The following STK31 variants were observed in gnomAD, a reference collection of about 807,000 sequenced individuals.
STK31 encodes serine/threonine-protein kinase 31.
A neutral mutation model predicts 129.7 loss-of-function variants in STK31; 89 were observed. The ratio of observed to expected loss-of-function variants is 0.69; its 90% confidence interval spans 0.58 to 0.82. STK31 has a LOEUF of 0.82. Among genes scored for constraint, STK31 ranks in the 40% least tolerant of loss-of-function variants. STK31 has a pLI of 0.00. For synonymous variants in STK31, 448 were observed against 395.3 expected, an observed-to-expected ratio of 1.13 and a Z score of -1.58; for missense variants, 1,187 against 1,176.4, an observed-to-expected ratio of 1.01 and a Z score of -0.13.
intron 21 of STK31, 33 bp downstream of exon 21, chr7:23,788,162 G>C: frequency 6.4e-7 from 1 of 1,563,672 alleles, no homozygotes; most frequent in Non-Finnish European, 8.6e-7. Flanking sequence ...ATAGGTTCTA[G>C]ACTTTATTTA....
intron 21 of STK31, among the ~76,000 whole-genome samples, chr7:23,790,367 T>A (rs766658328): frequency 6.6e-6 from 1 of 152,200 alleles, no homozygotes; most frequent in Non-Finnish European, 1.5e-5. Context: ...AAGATCTGCC[T>A]GAATATAGGA....
intron 22 of STK31, among the ~76,000 whole-genome samples, chr7:23,809,446 C>T (rs1010193603): frequency 1.3e-5 from 2 of 152,076 alleles, no homozygotes; most frequent in Non-Finnish European, 2.9e-5. Flanking sequence ...ATGTTATGTG[C>T]TTTTCATCAA....
At chr7:23,710,481 G>C in intron 1 of STK31, 146 bp downstream of exon 1, 1 of 1,515,716 alleles carries the variant, frequency 6.6e-7, no homozygotes, top group Non-Finnish European at 8.9e-7. Flanking sequence ...CCCCAGAGGG[G>C]TGCCAGATGC....
chr7:23,750,422 A>T (rs1252972736), intron 8 of STK31, among the ~76,000 whole-genome samples: 1 of 152,126 alleles, frequency 6.6e-6, no homozygotes, highest in Non-Finnish European at 1.5e-5. Context: ...AAAGTTGTTG[A>T]TTTCCACTTT....
intron 22 of STK31, among the ~76,000 whole-genome samples, chr7:23,796,089 A>G (rs1791931733): frequency 6.6e-6 from 1 of 152,190 alleles, no homozygotes; most frequent in African/African-American, 2.4e-5. Context: ...GGGTGGAATG[A>G]TAATGGTTTA....
rs187861025 is a variant in STK31, at chr7:23,775,014, C to A, written c.1965+2736C>A. Among the ~76,000 whole-genome samples the A allele has an allele frequency of 8.1e-4, 124 of 152,332 alleles. 1 individual carries two copies. The highest frequency in any genetic ancestry group is 1.6e-3 in the Non-Finnish European group (108 of 68,026). On this transcript the variant is annotated intron_variant, in intron 15 of 23. Coordinates refer to ENST00000355870, the MANE Select transcript of STK31 (RefSeq NM_031414.5). Reference sequence around the variant, plus strand: ...ACATATGGCTAGCCCGTTTTCCCAACACCATTTATTAAGTAGGGAATCCTT... The same window carrying A: ...ACATATGGCTAGCCCGTTTTCCCAAAACCATTTATTAAGTAGGGAATCCTT...
intron 14 of STK31, chr7:23,771,388 A>G (rs1001116552): frequency 4.4e-6 from 1 of 225,600 alleles, no homozygotes; most frequent in Non-Finnish European, 8.5e-6. Flanking sequence ...AATTTGCTAT[A>G]TACAGAAAGA....
intron 23 of STK31, among the ~76,000 whole-genome samples, chr7:23,824,519 A>G (rs201955686): frequency 6.6e-6 from 1 of 152,184 alleles, no homozygotes; most frequent in East Asian, 1.9e-4. Context: ...GGGGTTTTCT[A>G]GATATACAAT....
rs539197361 is a variant in STK31 at position 23,754,549 on chromosome 7, A to G, written c.1293+75A>G. On this transcript the variant is annotated intron_variant, in intron 10 of 23. Coordinates refer to ENST00000355870, the MANE Select transcript of STK31 (RefSeq NM_031414.5). ...GAAGTGTTTTTTTAATTTCTTCTAA[A>G]AAAAATAACAGGATACATGTGCAGA... 8.2e-6 allele frequency: 12 copies of G among 1,465,666 alleles called. No individual in the cohort carries two copies. The South Asian group carries it at 1.5e-4, about 18-fold the overall frequency. 90.8% of individuals were successfully genotyped at this position (1,465,666 alleles called of 1,614,324 possible).
chr7:23,774,271 A>G (rs571698991), intron 15 of STK31, among the ~76,000 whole-genome samples: 12 of 152,310 alleles, frequency 7.9e-5, no homozygotes, highest in Admixed American at 5.9e-4. Context: ...TAGTAGCATG[A>G]TTTATAATCC....
chr7:23,788,677 G>A (rs547807607), intron 21 of STK31, among the ~76,000 whole-genome samples: 41 of 151,940 alleles, frequency 2.7e-4, no homozygotes, highest in African/African-American at 8.9e-4. Context: ...TTTTTTTGTC[G>A]TTATAATGGA....
chr7:23,830,765 G>A (rs1167046865), intron 23 of STK31, among the ~76,000 whole-genome samples: 2 of 151,970 alleles, frequency 1.3e-5, no homozygotes, highest in African/African-American at 4.8e-5. Context: ...GATTATAGGT[G>A]TCTGCCACCA....
At position 23,772,234 on chromosome 7, in the gene STK31, G is replaced by C; in HGVS notation, c.1921G>C (p.Ala641Pro). 1 of 1,608,980 alleles carries C rather than the reference G, an allele frequency of 6.2e-7. No individual in the cohort carries two copies. Among genetic ancestry groups the C allele is most frequent in the South Asian group, 1.1e-5 (1 of 90,262 alleles). The change falls in exon 15 of 24, where the codon GCT becomes CCT. Residue 641 changes from alanine (A) to proline (P), a missense_variant. By Grantham distance (27) the Ala-to-Pro change is conservative. Transcript: ENST00000355870. ...SIKKTLKSLK[A>P]LLRWKLVEKS... ...TAAGAAGACATTGAAAAGCTTAAAA[G>C]CTCTACTCAGATGGAAATTGGTTGA...
chr7:23,751,441 C>T (rs771953037), intron 8 of STK31, among the ~76,000 whole-genome samples: 10 of 152,210 alleles, frequency 6.6e-5, no homozygotes, highest in Non-Finnish European at 1.3e-4. Context: ...TGAATGGTTT[C>T]AGTCCTTTTA....
intron 23 of STK31, among the ~76,000 whole-genome samples, chr7:23,828,106 T>C (rs1298820463): frequency 1.3e-5 from 2 of 152,228 alleles, no homozygotes; most frequent in African/African-American, 4.8e-5. Context: ...GGAGAACCAC[T>C]ACTCTCTTCA....
In STK31 at chr7:23,814,146, C is replaced by CTT. The variant is rs71552259; in HGVS notation, c.2761-997_2761-996dup. Among the ~76,000 whole-genome samples the CTT allele has an allele frequency of 3.7e-4, 37 of 98,914 alleles. 8 individuals are homozygous for CTT. The highest frequency in any genetic ancestry group is 5.3e-4 in the Admixed American group (4 of 7,580). The allele number at this position is 98,914 out of a possible 152,430, so 64.9% of individuals were successfully genotyped here. On this transcript the variant is annotated intron_variant, in intron 22 of 23. Transcript: ENST00000355870. Reference sequence around the variant, plus strand: ...GTTGGGAAACATCAGATCTGGCTCACTTATTTTTTTTTTTTTTTCAGTTGG... The same window carrying CTT: ...GTTGGGAAACATCAGATCTGGCTCACTTTTATTTTTTTTTTTTTTTCAGTTGG...
chr7:23,779,010 G>T (rs1402216453), intron 15 of STK31, among the ~76,000 whole-genome samples: 1 of 152,126 alleles, frequency 6.6e-6, no homozygotes, highest in Non-Finnish European at 1.5e-5. Context: ...ACCTTTGGAT[G>T]TGTTTTTTTT....
chr7:23,825,774 G>A (rs577231263), intron 23 of STK31, among the ~76,000 whole-genome samples: 3 of 152,108 alleles, frequency 2.0e-5, no homozygotes, highest in East Asian at 1.9e-4. Flanking sequence ...CTTTGAATGT[G>A]TCCCAGAGAT....
intron 23 of STK31, among the ~76,000 whole-genome samples, chr7:23,817,270 T>C (rs1307458816): frequency 6.6e-6 from 1 of 152,188 alleles, no homozygotes; most frequent in African/African-American, 2.4e-5. Flanking sequence ...GGTATATGTA[T>C]AATGAAAGTA....
Sources: gnomAD v4.1 joint callset for allele counts (sites outside exome capture counted in the v4.1 genomes callset) on GRCh38, gnomAD v4.1.1 for gene constraint, MANE v1.5 for transcripts, NCBI Gene and HGNC (gene_info 2026-07-23, HGNC 2026-07-21) for gene names.